The following MON2 variants were observed in gnomAD, a reference collection of about 807,000 sequenced individuals.
MON2 encodes the protein MON2 regulator of endosome-to-Golgi trafficking, also known as protein MON2 homolog.
Under a neutral mutation model 208.6 loss-of-function variants are expected in MON2, and 84 were observed. The observed-to-expected ratio is 0.40, with a 90% CI of 0.34 to 0.48. The LOEUF (loss-of-function observed/expected upper bound fraction) is 0.48, where lower values mean the gene tolerates loss of function less well. Ranked by LOEUF, MON2 falls within the 20% of genes least tolerant of loss-of-function variation. The pLI, the probability that MON2 is intolerant of heterozygous loss-of-function variation, is 0.59. For missense variants in MON2, 1,611 were observed against 2,015.4 expected, an observed-to-expected ratio of 0.80 and a Z score of 3.84; for synonymous variants, 660 against 694.0, an observed-to-expected ratio of 0.95 and a Z score of 0.77.
At chr12:62,580,233 CTA>C in intron 31 of MON2, 62 bp from the exon 32 acceptor site, 1 of 1,487,964 alleles carries the variant, frequency 6.7e-7, no homozygotes, top group Non-Finnish European at 9.1e-7. Context: ...AAATTTTACT[CTA>C]GAAATTATTT....
chr12:62,544,919 C>G lies in MON2; in HGVS notation c.2488C>G (p.Arg830Gly). Residue 830 changes from arginine to glycine, a missense_variant, in exon 21 of 35, where the codon CGA (arginine) becomes GGA (glycine). By Grantham distance (125) the Arg-to-Gly change is moderately radical. Coordinates refer to ENST00000393630, the MANE Select transcript of MON2 (RefSeq NM_015026.3). ...LLEVCQHPNS[R>G]MREWGAEALT... is the part of the protein sequence containing the mutation. ...TCAGGTCTGCCAGCATCCAAACTCT[C>G]GAATGAGAGAATGGGGAGCAGAAGC... The G allele has an allele frequency of 6.2e-7, 1 of 1,607,908 alleles. No homozygotes were observed. The highest frequency in any genetic ancestry group is 2.2e-5 in the East Asian group (1 of 44,724).
At position 62,597,404 on chromosome 12, in the gene MON2, C is replaced by T. The variant is rs2075549101; in HGVS notation, c.*4655C>T. The T allele has an allele frequency of 6.6e-6, 1 of 152,156 alleles. No individual in the cohort carries two copies. The highest frequency in any genetic ancestry group is 1.5e-5 in the Non-Finnish European group (1 of 68,046). 9.4% of individuals were successfully genotyped at this position (152,156 alleles called of 1,614,324 possible). ...AGTGGAGCTGTTAGTGGTAGAACCACTGCTCATGGTTCTACCACTACAAAG... is the reference window on the plus strand; with the variant it reads ...AGTGGAGCTGTTAGTGGTAGAACCATTGCTCATGGTTCTACCACTACAAAG... On this transcript the variant is annotated 3_prime_UTR_variant, in exon 35 of 35. Transcript: ENST00000393630.
chr12:62,469,918 ATTTAT>A (rs59470058), intron 1 of MON2, among the ~76,000 whole-genome samples: 52,536 of 100,170 alleles, frequency 0.52, 9,982 homozygotes, highest in African/African-American at 0.56. Flanking sequence ...TTATTTATTT[ATTTAT>A]TTGAGACAGG....
chr12:62,495,574 C>T (rs1031844815), intron 4 of MON2, among the ~76,000 whole-genome samples: 5 of 151,680 alleles, frequency 3.3e-5, no homozygotes, highest in East Asian at 1.9e-4. Context: ...CCTGTAGTCC[C>T]GGCTACTCGG....
intron 25 of MON2, among the ~76,000 whole-genome samples, chr12:62,557,960 ATAT>A (rs2074052388): frequency 4.1e-5 from 1 of 24,474 alleles, no homozygotes; most frequent in Non-Finnish European, 6.1e-5. Context: ...ATATATATAT[ATAT>A]TTTTTTTTTT....
chr12:62,555,082 C>G (rs1177242676), intron 24 of MON2, among the ~76,000 whole-genome samples: 1 of 152,190 alleles, frequency 6.6e-6, no homozygotes, highest in South Asian at 2.1e-4. Context: ...AGGCATGAGC[C>G]ACTGCGCCTG....
chr12:62,546,914 A>G lies in MON2; in HGVS notation c.2595A>G (p.Leu865=). The G allele has an allele frequency of 1.2e-6, 2 of 1,606,500 alleles. No homozygotes were observed. The highest frequency in any genetic ancestry group is 4.5e-5 in the East Asian group (2 of 44,410). ...CTTTTCAGAGGCTGCAGTTGCTTTT[A>G]TTGAACCCGTTAAAGGAGATGTCCA... The part of the protein sequence containing the change: ...LSQNQRLQLL[L]LNPLKEMSNI... The change falls in exon 22 of 35, where the codon TTA becomes TTG. Residue 865 remains leucine, a synonymous_variant. Coordinates refer to ENST00000393630, the MANE Select transcript of MON2 (RefSeq NM_015026.3).
At chr12:62,508,212 G>A (rs960892498) in intron 7 of MON2, 74 bp from the exon 8 acceptor site, 9 of 1,147,350 alleles carry the variant, frequency 7.8e-6, no homozygotes, top group East Asian at 2.5e-5. Flanking sequence ...GTTTCCTAGT[G>A]AGACTGTGTT....
chr12:62,525,933 C>G lies in MON2; in HGVS notation c.1247-16C>G. The G allele has an allele frequency of 1.3e-6, 2 of 1,593,180 alleles. No homozygotes were observed. Among genetic ancestry groups the G allele is most frequent in the Non-Finnish European group, 1.7e-6 (2 of 1,171,774 alleles). The stretch of plus-strand genomic sequence containing the variant: ...TAAATTAGTGTCTTTTCTTTTTTTC[C>G]CTTCTTCTCTAACAGGAAACAATAA... On this transcript the variant is annotated splice_polypyrimidine_tract_variant and intron_variant, in intron 10 of 34. Coordinates refer to ENST00000393630, the MANE Select transcript of MON2 (RefSeq NM_015026.3).
chr12:62,497,703 C>T (rs2070600956), intron 4 of MON2, among the ~76,000 whole-genome samples: 1 of 152,128 alleles, frequency 6.6e-6, no homozygotes, highest in African/African-American at 2.4e-5. Flanking sequence ...CAACCTTCCA[C>T]CTCCCAGGCT....
At position 62,534,997 on chromosome 12, in the gene MON2, C is replaced by A. The variant is rs1364929611; in HGVS notation, c.1715+71C>A. On this transcript the variant is annotated intron_variant, in intron 13 of 34. Coordinates refer to ENST00000393630, the MANE Select transcript of MON2 (RefSeq NM_015026.3). ...AAAACACATTAAAATGGTTTACTTA[C>A]ATTTGTCCCTAGAATTATTTTCTAA... 6.5e-6 allele frequency: 7 copies of A among 1,078,420 alleles called. No individual in the cohort carries two copies. In the Admixed American group the frequency reaches 1.2e-4, roughly 18 times the overall value. 66.8% of individuals were successfully genotyped at this position (1,078,420 alleles called of 1,614,324 possible). A position where few individuals can be genotyped will look rare whatever the true frequency, so the allele number is the denominator to read the frequency against.
intron 12 of MON2, among the ~76,000 whole-genome samples, chr12:62,534,370 T>A (rs2072805341): frequency 6.7e-6 from 1 of 150,146 alleles, no homozygotes; most frequent in Non-Finnish European, 1.5e-5. Context: ...AATACAAAAA[T>A]TAGCCAGGTG....
Position 62,513,694 on chromosome 12 carries a change from C to CACCTTTACT in MON2, c.984+5214_984+5215insACCTTTACT, listed in dbSNP as rs1555165200. 1.0e-3 allele frequency among the ~76,000 whole-genome samples: 149 copies of CACCTTTACT among 149,276 alleles called. 3 individuals are homozygous for CACCTTTACT. The highest frequency in any genetic ancestry group is 6.9e-3 in the Middle Eastern group (2 of 290). On this transcript the variant is annotated intron_variant, in intron 8 of 34. Transcript: ENST00000393630. ...GAGTGTGGTGGCTCACGCCTGTAATCCCAGCACTTTGGGAGGCTGAGGCAG... is the reference window on the plus strand; with the variant it reads ...GAGTGTGGTGGCTCACGCCTGTAATCACCTTTACTCCAGCACTTTGGGAGGCTGAGGCAG...
At position 62,469,544 on chromosome 12, in the gene MON2, C is replaced by G. The variant is rs2068682262; in HGVS notation, c.111+2226C>G. ...TGATTTCTTACCCAATGACACTGGGCACTACTTTAGGAATTGAAAAATGAT... is the reference window on the plus strand; with the variant it reads ...TGATTTCTTACCCAATGACACTGGGGACTACTTTAGGAATTGAAAAATGAT... On this transcript the variant is annotated intron_variant, in intron 1 of 34. Transcript: ENST00000393630. 1.3e-5 allele frequency among the ~76,000 whole-genome samples: 2 copies of G among 152,134 alleles called. 1 individual carries two copies. Among genetic ancestry groups the G allele is most frequent in the South Asian group, 4.1e-4 (2 of 4,832 alleles).
chr12:62,544,858 C>CT, intron 20 of MON2, 40 bp from the exon 21 acceptor site: 1 of 1,581,916 alleles, frequency 6.3e-7, no homozygotes, highest in Non-Finnish European at 8.7e-7. Flanking sequence ...TGATTCATAG[C>CT]TTAAGTATAC....
intron 8 of MON2, among the ~76,000 whole-genome samples, chr12:62,517,766 G>C (rs997335951): frequency 2.6e-5 from 4 of 152,168 alleles, no homozygotes; most frequent in Non-Finnish European, 4.4e-5. Context: ...TGGTTATCTT[G>C]TTATGACAGA....
At chr12:62,481,907 A>G (rs73139098) in intron 1 of MON2, among the ~76,000 whole-genome samples, 5,657 of 152,286 alleles carry the variant, frequency 0.037, 145 homozygotes, top group Middle Eastern at 0.068. Flanking sequence ...GAAAAAGTGT[A>G]TAAACAAAGG....
At chr12:62,555,655 C>T (rs1292445921) in intron 24 of MON2, among the ~76,000 whole-genome samples, 1 of 151,894 alleles carries the variant, frequency 6.6e-6, no homozygotes, top group African/African-American at 2.4e-5. Flanking sequence ...ACTAAAAATA[C>T]AAAAATTAGC....
chr12:62,546,488 T>C (rs1289795701), intron 21 of MON2, among the ~76,000 whole-genome samples: 1 of 152,080 alleles, frequency 6.6e-6, no homozygotes, highest in Non-Finnish European at 1.5e-5. Context: ...GCATGGTGGC[T>C]CACACCTGTA....
Sources: gnomAD v4.1 joint callset for allele counts (sites outside exome capture counted in the v4.1 genomes callset) on GRCh38, gnomAD v4.1.1 for gene constraint, MANE v1.5 for transcripts, NCBI Gene and HGNC (gene_info 2026-07-23, HGNC 2026-07-21) for gene names.